The following FMN2 variants were observed in gnomAD, a reference collection of about 807,000 sequenced individuals.
FMN2 encodes the protein formin 2.
A neutral mutation model predicts 142.3 loss-of-function variants in FMN2; 51 were observed. That is an observed-to-expected ratio of 0.36 (90% CI 0.29 to 0.45). FMN2 has a LOEUF of 0.45. Ranked by LOEUF, FMN2 falls within the 20% of genes least tolerant of loss-of-function variation. The pLI, the probability that FMN2 is intolerant of heterozygous loss-of-function variation, is 1.00. For missense variants in FMN2, 1,936 were observed against 2,122.8 expected (o/e 0.91, Z 1.73); for synonymous variants, 882 against 869.8 (o/e 1.01, Z -0.25).
intron 2 of FMN2, among the ~76,000 whole-genome samples, chr1:240,169,907 T>A (rs1468017657): frequency 6.6e-6 from 1 of 152,218 alleles, no homozygotes; most frequent in African/African-American, 2.4e-5. Flanking sequence ...TTATGGAATA[T>A]CTGGGATATA....
rs554710810 is a variant in FMN2 at position 240,208,494 on chromosome 1, C to T, written c.3682C>T (p.Pro1228Ser). 7 of 1,611,178 alleles carry T rather than the reference C, an allele frequency of 4.3e-6. No homozygotes were observed. Among genetic ancestry groups the T allele is most frequent in the Admixed American group, 1.7e-5 (1 of 59,792 alleles). The part of the protein sequence containing the change: ...PPAPAPPLPP[P>S]GTGIPPPPLL... The stretch of plus-strand genomic sequence containing the variant: ...TGCTCCAGCTCCCCCACTCCCTCCA[C>T]CTGGGACAGGAATCCCACCGCCCCC... Residue 1228 changes from proline to serine, a missense_variant, in exon 5 of 18, where the codon CCT becomes TCT. This residue lies in a region of FMN2 where 259 missense variants were observed against 230.9 expected (regional missense o/e 1.12). Coordinates refer to ENST00000319653, the MANE Select transcript of FMN2 (RefSeq NM_020066.5).
intron 16 of FMN2, among the ~76,000 whole-genome samples, chr1:240,449,754 A>G (rs961104327): frequency 2.0e-5 from 3 of 152,202 alleles, no homozygotes; most frequent in African/African-American, 4.8e-5. Context: ...TTAAATCATT[A>G]CATATATATG....
intron 13 of FMN2, among the ~76,000 whole-genome samples, chr1:240,340,424 T>C (rs1671707231): frequency 6.6e-6 from 1 of 151,982 alleles, no homozygotes; most frequent in African/African-American, 2.4e-5. Flanking sequence ...CTACTAAAAA[T>C]ATAAAAATGA....
chr1:240,363,849 G>A (rs1181206436), intron 14 of FMN2, among the ~76,000 whole-genome samples: 4 of 151,852 alleles, frequency 2.6e-5, no homozygotes, highest in Non-Finnish European at 5.9e-5. Context: ...CTGCCTGATG[G>A]CTCAGGTGTC....
At chr1:240,438,881 A>G (rs1161147949) in intron 16 of FMN2, among the ~76,000 whole-genome samples, 2 of 152,216 alleles carry the variant, frequency 1.3e-5, no homozygotes, top group African/African-American at 4.8e-5. Context: ...AACTAAAGGG[A>G]AACGTAATCT....
At chr1:240,172,515 A>G (rs1175932381) in intron 2 of FMN2, among the ~76,000 whole-genome samples, 1 of 152,172 alleles carries the variant, frequency 6.6e-6, no homozygotes, top group African/African-American at 2.4e-5. Flanking sequence ...TTACATTTGA[A>G]TATCACCATG....
chr1:240,314,949 A>ATAAC (rs1341063594), intron 8 of FMN2, among the ~76,000 whole-genome samples: 4 of 152,200 alleles, frequency 2.6e-5, no homozygotes, highest in South Asian at 4.1e-4. Context: ...TCACTCTTTA[A>ATAAC]TAACTATTCA....
chr1:240,130,450 A>C (rs1362470189), intron 2 of FMN2, among the ~76,000 whole-genome samples: 2 of 152,080 alleles, frequency 1.3e-5, no homozygotes, highest in Non-Finnish European at 2.9e-5. Context: ...TTACAGGTGG[A>C]TGCTACCACG....
At chr1:240,285,531 A>G (rs1669557552) in intron 7 of FMN2, among the ~76,000 whole-genome samples, 1 of 145,276 alleles carries the variant, frequency 6.9e-6, no homozygotes, top group African/African-American at 2.6e-5. Context: ...GAGGTAAGAA[A>G]GGGTGGCAGT....
intron 13 of FMN2, among the ~76,000 whole-genome samples, chr1:240,345,771 C>T (rs138617459): frequency 6.6e-6 from 1 of 152,250 alleles, no homozygotes; most frequent in East Asian, 1.9e-4. Flanking sequence ...GCGTGAGCCA[C>T]CACACCTGGC....
intron 2 of FMN2, among the ~76,000 whole-genome samples, chr1:240,139,930 A>G (rs1017412844): frequency 6.6e-5 from 10 of 152,188 alleles, no homozygotes; most frequent in African/African-American, 2.4e-4. Context: ...GGTGAATGGT[A>G]GAAAGGAGGG....
At chr1:240,319,515 GTGTT>G (rs1670900357) in intron 8 of FMN2, among the ~76,000 whole-genome samples, 1 of 152,194 alleles carries the variant, frequency 6.6e-6, no homozygotes, top group Admixed American at 6.5e-5. Flanking sequence ...ATTTCAAAGA[GTGTT>G]TAGCATCGTG....
At chr1:240,142,975 G>A (rs1663257103) in intron 2 of FMN2, 10 of 1,581,754 alleles carry the variant, frequency 6.3e-6, no homozygotes, top group African/African-American at 2.7e-5. Context: ...ATAATGTTTC[G>A]AACATCCAGG....
chr1:240,288,292 T>C (rs1432236928), intron 7 of FMN2, among the ~76,000 whole-genome samples: 2 of 152,168 alleles, frequency 1.3e-5, no homozygotes, highest in East Asian at 3.9e-4. Flanking sequence ...TCTCTATTTA[T>C]AGAAATGATG....
chr1:240,122,090 T>TAATTAATG (rs1662297772), intron 1 of FMN2, among the ~76,000 whole-genome samples: 1 of 144,686 alleles, frequency 6.9e-6, no homozygotes, highest in Non-Finnish European at 1.5e-5. Flanking sequence ...ATTTATTTAT[T>TAATTAATG]TATGAATTAT....
At chr1:240,285,329 C>A (rs772938161) in intron 7 of FMN2, 3 of 454,694 alleles carry the variant, frequency 6.6e-6, no homozygotes, top group Non-Finnish European at 1.3e-5. Flanking sequence ...GATGGAGGCT[C>A]CGTCATGTAA....
In FMN2 at chr1:240,170,671, A is replaced by G. The variant is rs192349224; in HGVS notation, c.1783-7250A>G. On this transcript the variant is annotated intron_variant, in intron 2 of 17. Coordinates refer to ENST00000319653, the MANE Select transcript of FMN2 (RefSeq NM_020066.5). The stretch of plus-strand genomic sequence containing the variant: ...AATAGATTCTTTAGCACCTTTGGAT[A>G]AAGTCTGCCTTCTAGGTTGTGGCAT... 3.9e-4 allele frequency: 615 copies of G among 1,572,476 alleles called. 1 individual carries two copies. Among genetic ancestry groups the G allele is most frequent in the Non-Finnish European group, 3.9e-4 (447 of 1,142,264 alleles).
intron 2 of FMN2, among the ~76,000 whole-genome samples, chr1:240,155,037 C>T (rs971566722): frequency 6.6e-6 from 1 of 151,562 alleles, no homozygotes; most frequent in Non-Finnish European, 1.5e-5. Flanking sequence ...ACTAGAGTTG[C>T]ACACCACCAC....
intron 14 of FMN2, among the ~76,000 whole-genome samples, chr1:240,363,581 G>C (rs12760186): frequency 0.26 from 38,790 of 152,016 alleles, 5,075 homozygotes; most frequent in Admixed American, 0.33. Flanking sequence ...GTGTGCGTGC[G>C]TGTGCATGCA....
Sources: gnomAD v4.1 joint callset for allele counts (sites outside exome capture counted in the v4.1 genomes callset) on GRCh38, gnomAD v4.1.1 for gene constraint, gnomAD v4.1.1 regional missense constraint, MANE v1.5 for transcripts, NCBI Gene and HGNC (gene_info 2026-07-23, HGNC 2026-07-21) for gene names.